Variants in SPRY3 observed in about 807,000 individuals in gnomAD.
The protein encoded by SPRY3 is sprouty RTK signaling antagonist 3, also known as protein sprouty homolog 3.
SPRY3 carries 15 observed loss-of-function variants against 20.2 expected under a neutral mutation model. The observed-to-expected ratio is 0.74, with a 90% CI of 0.50 to 1.14. The LOEUF (loss-of-function observed/expected upper bound fraction) is 1.14, where lower values mean the gene tolerates loss of function less well. SPRY3 is among the 50% of genes most tolerant of loss of function. The pLI is 0.00. For missense variants in SPRY3, 364 were observed against 363.9 expected, an observed-to-expected ratio of 1.00 and a Z score of 0.00; for synonymous variants, 143 against 136.5, an observed-to-expected ratio of 1.05 and a Z score of -0.33.
downstream of SPRY3, chrX:155,778,537 T>C (rs2091443606): frequency 1.2e-5 from 2 of 167,032 alleles, no homozygotes; most frequent in Admixed American, 1.3e-4. Flanking sequence ...CAATTTTTTT[T>C]TGAACAAAGT....
chrX:155,679,965 T>C (rs2068068809), intron 2 of SPRY3, among the ~76,000 whole-genome samples: 3 of 110,175 alleles, frequency 2.7e-5, no homozygotes, highest in Non-Finnish European at 5.7e-5. Flanking sequence ...GTGTCTGCTA[T>C]TGTAGAATAA....
chrX:155,657,136 G>A (rs1022712615), intron 2 of SPRY3, among the ~76,000 whole-genome samples: 7 of 111,874 alleles, frequency 6.3e-5, no homozygotes, highest in African/African-American at 2.3e-4. Flanking sequence ...CTGTGCTGGG[G>A]GAACCCTCCT....
chrX:155,765,241 G>C (rs1465093484), intron 2 of SPRY3, among the ~76,000 whole-genome samples: 1 of 151,958 alleles, frequency 6.6e-6, no homozygotes, highest in African/African-American at 2.4e-5. Flanking sequence ...GGGATTTGCA[G>C]ATGGTTGGAT....
At chrX:155,769,133 C>T (rs1208822193) in intron 3 of SPRY3, among the ~76,000 whole-genome samples, 2 of 152,166 alleles carry the variant, frequency 1.3e-5, no homozygotes, top group Non-Finnish European at 2.9e-5. Context: ...TGCCTCTAAA[C>T]AAACATATAC....
chrX:155,749,727 G>C (rs1221320480), intron 2 of SPRY3, among the ~76,000 whole-genome samples: 3 of 151,692 alleles, frequency 2.0e-5, no homozygotes, highest in African/African-American at 7.3e-5. Context: ...TTTTTGCCTG[G>C]GGAACTAGAA....
chrX:155,740,106 A>G (rs2091195971), intron 2 of SPRY3, among the ~76,000 whole-genome samples: 1 of 152,156 alleles, frequency 6.6e-6, no homozygotes, highest in Non-Finnish European at 1.5e-5. Context: ...ATATGGACAT[A>G]TATCAGTTCC....
chrX:155,736,572 A>G (rs1481871351), intron 2 of SPRY3, among the ~76,000 whole-genome samples: 1 of 151,966 alleles, frequency 6.6e-6, no homozygotes, highest in Non-Finnish European at 1.5e-5. Context: ...TTGTTCTTCT[A>G]ACGATAAGAT....
At chrX:155,708,097 G>A (rs760280662) in intron 2 of SPRY3, among the ~76,000 whole-genome samples, 1 of 150,944 alleles carries the variant, frequency 6.6e-6, no homozygotes, top group Non-Finnish European at 1.5e-5. Context: ...GCTGCTCCAG[G>A]GATTACAATA....
At chrX:155,760,641 G>T (rs1399682252) in intron 2 of SPRY3, among the ~76,000 whole-genome samples, 1 of 152,150 alleles carries the variant, frequency 6.6e-6, no homozygotes, top group Non-Finnish European at 1.5e-5. Context: ...GGATGGTTTG[G>T]AGATGAAACT....
intron 2 of SPRY3, among the ~76,000 whole-genome samples, chrX:155,688,049 TC>T (rs1328637047): frequency 9.2e-5 from 2 of 21,804 alleles, no homozygotes; most frequent in South Asian, 4.1e-3. Flanking sequence ...CCCCCACCCC[TC>T]CCCCGCCCCA....
At chrX:155,738,718 C>T (rs1215545128) in intron 2 of SPRY3, among the ~76,000 whole-genome samples, 1 of 152,152 alleles carries the variant, frequency 6.6e-6, no homozygotes, top group African/African-American at 2.4e-5. Flanking sequence ...ACCTGCAGAT[C>T]AGGAGATCCC....
chrX:155,732,979 A>G (rs1304366020), intron 2 of SPRY3, among the ~76,000 whole-genome samples: 1 of 152,040 alleles, frequency 6.6e-6, no homozygotes, highest in Non-Finnish European at 1.5e-5. Flanking sequence ...CAACGGAGAT[A>G]GAGAGCAGAA....
chrX:155,699,192 C>T (rs1286560858), intron 2 of SPRY3, among the ~76,000 whole-genome samples: 1 of 112,025 alleles, frequency 8.9e-6, no homozygotes, highest in East Asian at 2.8e-4. Flanking sequence ...ACTTCTAGAA[C>T]TCATAGTTTT....
chrX:155,766,261 C>T (rs888123879), intron 2 of SPRY3, among the ~76,000 whole-genome samples: 1 of 152,116 alleles, frequency 6.6e-6, no homozygotes, highest in Non-Finnish European at 1.5e-5. Flanking sequence ...TTTTTTAAAT[C>T]TCATTATTTC....
At chrX:155,726,605 G>A (rs775461316) in intron 2 of SPRY3, among the ~76,000 whole-genome samples, 42 of 152,110 alleles carry the variant, frequency 2.8e-4, no homozygotes, top group African/African-American at 9.2e-4. Flanking sequence ...ATCTGTGTTG[G>A]TTTAAAGTCA....
At chrX:155,778,556 G>A (rs1001159241), downstream of SPRY3, 1 of 166,912 alleles carries the variant, frequency 6.0e-6, no homozygotes, top group African/African-American at 2.4e-5. Context: ...GTATAACTGA[G>A]ACTATTTTTG....
chrX:155,729,585 G>T (rs2091120224), intron 2 of SPRY3, among the ~76,000 whole-genome samples: 1 of 151,372 alleles, frequency 6.6e-6, no homozygotes, highest in Non-Finnish European at 1.5e-5. Flanking sequence ...GAAGTTTATA[G>T]CTGTAAGTGC....
chrX:155,634,864 A>G (rs2124531736), intron 1 of SPRY3, among the ~76,000 whole-genome samples: 1 of 107,142 alleles, frequency 9.3e-6, no homozygotes, highest in East Asian at 2.9e-4. Flanking sequence ...TTATATATGT[A>G]CACTTTATAT....
chrX:155,759,096 T>A (rs1832591125), intron 2 of SPRY3, among the ~76,000 whole-genome samples: 1 of 151,452 alleles, frequency 6.6e-6, no homozygotes, highest in Non-Finnish European at 1.5e-5. Flanking sequence ...ACTCTTACAC[T>A]GTTGCCCAGG....
Sources: allele counts gnomAD v4.1 joint callset (sites outside exome capture counted in the v4.1 genomes callset), GRCh38; gene constraint gnomAD v4.1.1; transcripts MANE v1.5; gene names NCBI Gene and HGNC (gene_info 2026-07-23, HGNC 2026-07-21).